Variants in GGA2 observed in about 807,000 individuals in gnomAD.
The protein encoded by GGA2 is ADP-ribosylation factor-binding protein GGA2.
Under a neutral mutation model 79.5 loss-of-function variants are expected in GGA2, and 48 were observed. The ratio of observed to expected loss-of-function variants is 0.60; its 90% CI spans 0.48 to 0.77. The LOEUF is 0.77. GGA2 is among the 30% of genes least tolerant of loss of function. GGA2 has a pLI of 0.00. For synonymous variants in GGA2, 317 were observed against 302.0 expected (o/e 1.05, Z -0.51); for missense variants, 770 against 774.0 (o/e 0.99, Z 0.06).
chr16:23,478,312 G>A (rs1964602006), intron 13 of GGA2, 56 bp downstream of exon 13: 2 of 1,454,562 alleles, frequency 1.4e-6, no homozygotes, highest in Non-Finnish European at 1.8e-6. Flanking sequence ...TGTCCCATGA[G>A]AAGGAACCGC....
chr16:23,475,156 A>C, intron 13 of GGA2, 95 bp from the exon 14 acceptor site: 1 of 635,468 alleles, frequency 1.6e-6, no homozygotes, highest in Non-Finnish European at 2.8e-6. Flanking sequence ...AAAAAATAAC[A>C]CACACACACA....
At chr16:23,468,276 C>G (rs1260746403) in intron 16 of GGA2, among the ~76,000 whole-genome samples, 4 of 152,016 alleles carry the variant, frequency 2.6e-5, no homozygotes, top group Non-Finnish European at 4.4e-5. Flanking sequence ...CTCTTGGGTT[C>G]AAGCAATTCT....
Position 23,467,402 on chromosome 16 carries a change from ACAC to A in GGA2, c.*185_*187del. On this transcript the variant is annotated 3_prime_UTR_variant, in exon 17 of 17. Transcript: ENST00000309859. ...CCTCTCCCCGAACACACACACACAC[ACAC>A]ACACACACACACACACACACACACA... 1.3e-5 allele frequency: 7 copies of A among 553,336 alleles called. No individual in the cohort carries two copies. The highest frequency in any genetic ancestry group is 2.0e-5 in the Non-Finnish European group (6 of 306,302). The allele number at this position is 553,336 out of a possible 1,614,324, so 34.3% of individuals were successfully genotyped here. A position where few individuals can be genotyped will look rare whatever the true frequency, so the allele number is the denominator to read the frequency against.
At chr16:23,503,891 G>C (rs1253865878) in intron 1 of GGA2, among the ~76,000 whole-genome samples, 1 of 152,078 alleles carries the variant, frequency 6.6e-6, no homozygotes, top group African/African-American at 2.4e-5. Flanking sequence ...AGACCAGCCT[G>C]ACCAACATGG....
chr16:23,482,838 T>C (rs917633225), intron 9 of GGA2, 85 bp downstream of exon 9: 10 of 861,078 alleles, frequency 1.2e-5, no homozygotes, highest in Non-Finnish European at 2.0e-5. Context: ...CACTCTGTCT[T>C]GTTCCTGGCA....
rs371014084 is a variant in GGA2 at position 23,519,411 on chromosome 16, C to A, written c.61+176G>T. On this transcript the variant is annotated intron_variant, in intron 2 of 5. Transcript: ENST00000569300. ...CAGGGGAAGGAACTGGTTTCCCACA[C>A]ACTAAAGTGAGCCACCTGCAGCCAT... Among the ~76,000 whole-genome samples the A allele has an allele frequency of 3.1e-4, 47 of 152,344 alleles. No homozygotes were observed. In the East Asian group the frequency reaches 7.7e-3, roughly 25 times the overall value.
intron 13 of GGA2, among the ~76,000 whole-genome samples, chr16:23,477,247 T>C (rs1964586502): frequency 6.6e-6 from 1 of 152,196 alleles, no homozygotes; most frequent in Non-Finnish European, 1.5e-5. Flanking sequence ...ATGGTTTGGC[T>C]GTGTCCCCAC....
intron 2 of GGA2, among the ~76,000 whole-genome samples, chr16:23,518,353 T>C (rs989575333): frequency 1.3e-5 from 2 of 152,130 alleles, no homozygotes; most frequent in African/African-American, 2.4e-5. Flanking sequence ...GGACCACAAG[T>C]GCTCACCACA....
At chr16:23,496,056 T>C (rs1322267013) in intron 1 of GGA2, among the ~76,000 whole-genome samples, 1 of 152,020 alleles carries the variant, frequency 6.6e-6, no homozygotes, top group Non-Finnish European at 1.5e-5. Flanking sequence ...TCCCGGCATT[T>C]TGGGAGGCCG....
chr16:23,499,380 G>A (rs960722446), intron 1 of GGA2, among the ~76,000 whole-genome samples: 8 of 151,964 alleles, frequency 5.3e-5, no homozygotes, highest in African/African-American at 9.7e-5. Flanking sequence ...TACTGACCTC[G>A]TGATCCGTCC....
chr16:23,518,662 A>T (rs956172948), intron 2 of GGA2, among the ~76,000 whole-genome samples: 1 of 152,144 alleles, frequency 6.6e-6, no homozygotes, highest in Admixed American at 6.6e-5. Flanking sequence ...TATACTGGCA[A>T]ATCTTGCAAA....
At chr16:23,489,128 A>G (rs1054040705) in intron 5 of GGA2, among the ~76,000 whole-genome samples, 4 of 152,212 alleles carry the variant, frequency 2.6e-5, no homozygotes, top group Non-Finnish European at 4.4e-5. Flanking sequence ...TAAGAGCCCA[A>G]CATAAAAAGG....
intron 5 of GGA2, among the ~76,000 whole-genome samples, chr16:23,491,404 T>C (rs534327605): frequency 2.6e-5 from 4 of 151,916 alleles, no homozygotes; most frequent in Non-Finnish European, 4.4e-5. Flanking sequence ...GTAGCTTGTA[T>C]TTTGACCTTT....
chr16:23,509,248 G>T (rs1965008828), intron 1 of GGA2, among the ~76,000 whole-genome samples: 1 of 152,098 alleles, frequency 6.6e-6, no homozygotes, highest in African/African-American at 2.4e-5. Context: ...TAGCCGTGCA[G>T]CCCCTTTCCC....
At chr16:23,482,895 T>C (rs1340638994) in intron 9 of GGA2, 28 bp downstream of exon 9, 5 of 1,366,668 alleles carry the variant, frequency 3.7e-6, no homozygotes, top group Non-Finnish European at 5.2e-6. Context: ...CCTGGGCTGC[T>C]AGCTACACCC....
chr16:23,511,573 T>C (rs986275896), upstream of GGA2, among the ~76,000 whole-genome samples: 6 of 151,246 alleles, frequency 4.0e-5, no homozygotes, highest in Non-Finnish European at 8.9e-5. Context: ...TCTCGGCTCA[T>C]TGCAACCTCC....
chr16:23,491,996 A>G (rs1016017613), intron 4 of GGA2, among the ~76,000 whole-genome samples, 196 bp from the exon 5 acceptor site: 1 of 152,190 alleles, frequency 6.6e-6, no homozygotes, highest in African/African-American at 2.4e-5. Flanking sequence ...TCATCTCGGC[A>G]ATACTCACAC....
chr16:23,478,858 CG>C (rs780555702), intron 12 of GGA2, 24 bp downstream of exon 12: 2 of 1,562,128 alleles, frequency 1.3e-6, no homozygotes, highest in Non-Finnish European at 1.8e-6. Flanking sequence ...ATTCTCTCTC[CG>C]GGCCCTGGGA....
intron 11 of GGA2, 99 bp downstream of exon 11, chr16:23,479,666 G>A (rs1158525744): frequency 8.8e-6 from 12 of 1,367,674 alleles, no homozygotes; most frequent in Middle Eastern, 2.6e-4. Flanking sequence ...CAACCATCTC[G>A]ACTCCCTCAG....
Sources: gnomAD v4.1 joint callset for allele counts (sites outside exome capture counted in the v4.1 genomes callset) on GRCh38, gnomAD v4.1.1 for gene constraint, MANE v1.5 for transcripts, NCBI Gene and HGNC (gene_info 2026-07-23, HGNC 2026-07-21) for gene names.